Variants in STAG1 observed in about 807,000 individuals in gnomAD.
STAG1 encodes cohesin subunit SA-1.
A neutral mutation model predicts 170.9 loss-of-function variants in STAG1; 26 were observed. The observed-to-expected ratio is 0.15, with a 90% confidence interval of 0.11 to 0.21. STAG1 has a LOEUF of 0.21. Ranked by LOEUF, STAG1 falls within the 10% of genes least tolerant of loss-of-function variation. The pLI is 1.00. For synonymous variants in STAG1, 514 were observed against 497.7 expected (o/e 1.03, Z -0.44); for missense variants, 964 against 1,509.5 (o/e 0.64, Z 5.99).
chr3:136,736,608 C>T (rs1934348537), intron 1 of STAG1: 4 of 1,586,582 alleles, frequency 2.5e-6, no homozygotes, highest in African/African-American at 2.7e-5. Context: ...ACAACCATCT[C>T]GACTTTCCTC....
intron 5 of STAG1, among the ~76,000 whole-genome samples, chr3:136,544,684 G>A (rs1936074760): frequency 6.6e-6 from 1 of 151,262 alleles, no homozygotes; most frequent in Admixed American, 6.6e-5. Context: ...AGAATCTCTG[G>A]AACCTGGGAG....
chr3:136,725,650 TCATATGCCACGC>T, intron 1 of STAG1, among the ~76,000 whole-genome samples: 1 of 152,284 alleles, frequency 6.6e-6, no homozygotes, highest in East Asian at 1.9e-4. Flanking sequence ...GGACAGCCTA[TCATATGCCACGC>T]AATACAAATA....
intron 1 of STAG1, among the ~76,000 whole-genome samples, chr3:136,647,425 C>T (rs1032861002): frequency 6.6e-6 from 1 of 152,058 alleles, no homozygotes; most frequent in South Asian, 2.1e-4. Flanking sequence ...CAAAATTAGC[C>T]GGGCCTGGTA....
At chr3:136,626,303 A>T in intron 2 of STAG1, among the ~76,000 whole-genome samples, 1 of 150,976 alleles carries the variant, frequency 6.6e-6, no homozygotes, top group Non-Finnish European at 1.5e-5. Context: ...GTGTGCGCCT[A>T]TAGTCCCAGC....
intron 15 of STAG1, among the ~76,000 whole-genome samples, chr3:136,436,347 T>C (rs988448723): frequency 2.6e-5 from 4 of 152,084 alleles, no homozygotes; most frequent in African/African-American, 7.2e-5. Flanking sequence ...AGTGGCGTGA[T>C]CTCGGCTCAC....
chr3:136,601,214 T>C (rs909901324), intron 4 of STAG1, among the ~76,000 whole-genome samples: 13 of 152,108 alleles, frequency 8.5e-5, no homozygotes, highest in African/African-American at 3.1e-4. Context: ...AAATAAAATC[T>C]AGTTAAATAA....
At chr3:136,725,643 C>G (rs1044437419) in intron 1 of STAG1, among the ~76,000 whole-genome samples, 1 of 152,154 alleles carries the variant, frequency 6.6e-6, no homozygotes, top group Non-Finnish European at 1.5e-5. Flanking sequence ...TGCAGAAGGA[C>G]AGCCTATCAT....
intron 7 of STAG1, among the ~76,000 whole-genome samples, chr3:136,520,486 A>C (rs1934618339): frequency 6.6e-6 from 1 of 152,140 alleles, no homozygotes; most frequent in Non-Finnish European, 1.5e-5. Context: ...CACACACTCC[A>C]TTATGAATGA....
intron 4 of STAG1, among the ~76,000 whole-genome samples, chr3:136,574,708 G>A (rs1937392738): frequency 6.6e-6 from 1 of 152,098 alleles, no homozygotes; most frequent in Non-Finnish European, 1.5e-5. Flanking sequence ...ACTAAAAGAG[G>A]CAAATTCATA....
chr3:136,713,375 G>C (rs1053717313), intron 1 of STAG1, among the ~76,000 whole-genome samples: 3 of 151,522 alleles, frequency 2.0e-5, no homozygotes, highest in African/African-American at 7.3e-5. Flanking sequence ...TTGAGGTCAG[G>C]AGTTCAAGAC....
chr3:136,640,050 G>T (rs1487588421), intron 1 of STAG1, among the ~76,000 whole-genome samples: 2 of 152,088 alleles, frequency 1.3e-5, no homozygotes, highest in Admixed American at 1.3e-4. Context: ...GTAAGTTTTT[G>T]AAGAAAGAAT....
At chr3:136,452,847 T>C (rs2088985247) in intron 13 of STAG1, among the ~76,000 whole-genome samples, 1 of 152,134 alleles carries the variant, frequency 6.6e-6, no homozygotes, top group African/African-American at 2.4e-5. Context: ...TGGAGTGCAG[T>C]GGCATGATCT....
rs1576536552 is a variant in STAG1 at position 136,499,996 on chromosome 3, C to T, written c.902+227G>A. The T allele has an allele frequency of 1.5e-5, 6 of 400,634 alleles. No homozygotes were observed. The East Asian group carries it at 3.4e-4, about 22-fold the overall frequency. The allele number at this position is 400,634 out of a possible 1,614,324, so 24.8% of individuals were successfully genotyped here. A position where few individuals can be genotyped will look rare whatever the true frequency, so the allele number is the denominator to read the frequency against. ...ATCAGTATAAATCCAAGTACATAAG[C>T]TACTTCCAACAGCATATGTTCTGAA... On this transcript the variant is annotated intron_variant, in intron 9 of 33. Transcript: ENST00000383202.
At chr3:136,560,574 T>G (rs1270044512) in intron 5 of STAG1, among the ~76,000 whole-genome samples, 1 of 152,224 alleles carries the variant, frequency 6.6e-6, no homozygotes, top group African/African-American at 2.4e-5. Flanking sequence ...CTTTGCATTT[T>G]TCCCACTTCA....
intron 7 of STAG1, among the ~76,000 whole-genome samples, chr3:136,503,966 ATC>A (rs1458572971): frequency 6.6e-6 from 1 of 152,072 alleles, no homozygotes; most frequent in Non-Finnish European, 1.5e-5. Context: ...TGAACTCCCG[ATC>A]TCAGGTGATC....
chr3:136,666,963 G>A (rs935388042), intron 1 of STAG1, among the ~76,000 whole-genome samples: 8 of 152,198 alleles, frequency 5.3e-5, no homozygotes, highest in South Asian at 2.1e-4. Context: ...TGGCAAAGCT[G>A]AGATACATGG....
At chr3:136,608,797 C>CAAAAAAA (rs34993713) in intron 3 of STAG1, among the ~76,000 whole-genome samples, 14 of 79,192 alleles carry the variant, frequency 1.8e-4, no homozygotes, top group African/African-American at 2.0e-4. Flanking sequence ...GACCCTATCT[C>CAAAAAAA]AAAAAAAAAA....
chr3:136,687,126 A>T (rs1488798065), intron 1 of STAG1, among the ~76,000 whole-genome samples: 1 of 152,184 alleles, frequency 6.6e-6, no homozygotes, highest in Non-Finnish European at 1.5e-5. Context: ...AATATCTCAA[A>T]CCACACTGGT....
At chr3:136,602,694 T>G (rs1938730402) in intron 4 of STAG1, among the ~76,000 whole-genome samples, 1 of 151,890 alleles carries the variant, frequency 6.6e-6, no homozygotes, top group Non-Finnish European at 1.5e-5. Flanking sequence ...CTACTAAAAA[T>G]ACAAAAATTA....
Sources: gnomAD v4.1 joint callset for allele counts (sites outside exome capture counted in the v4.1 genomes callset) on GRCh38, gnomAD v4.1.1 for gene constraint, MANE v1.5 for transcripts, NCBI Gene and HGNC (gene_info 2026-07-23, HGNC 2026-07-21) for gene names.